TBC1D1: variants seen among roughly 807,000 people sequenced by gnomAD.
TBC1D1 encodes the protein TBC1 (tre-2/USP6, BUB2, cdc16) domain family, member 1.
TBC1D1 carries 89 observed loss-of-function variants against 125.6 expected under a neutral mutation model. That is an observed-to-expected ratio of 0.71 (90% CI 0.60 to 0.85). The LOEUF is 0.85. Ranked by LOEUF, TBC1D1 falls within the 40% of genes least tolerant of loss-of-function variation. The probability of loss-of-function intolerance (pLI) is 0.00; values close to 1 mark genes in which losing one functional copy is unlikely to be tolerated. For synonymous variants in TBC1D1, 565 were observed against 564.1 expected, an observed-to-expected ratio of 1.00 and a Z score of -0.02; for missense variants, 1,377 against 1,469.2, an observed-to-expected ratio of 0.94 and a Z score of 1.03.
chr4:38,021,631 G>A lies in TBC1D1; in HGVS notation c.1123G>A (p.Ala375Thr), dbSNP rs763320509. Reference sequence around the variant, plus strand: ...CCTGAAACAGGCCTTCACGGTGGCCGCAGTGCAGCAGACAGCTAAGGCGCC... The same window carrying A: ...CCTGAAACAGGCCTTCACGGTGGCCACAGTGCAGCAGACAGCTAAGGCGCC... Residue 375 changes from alanine to threonine, a missense_variant, in exon 6 of 20, where the codon GCA becomes ACA. Ala to Thr is a moderately conservative substitution (Grantham distance 58). Transcript: ENST00000261439. 32 of 1,590,138 alleles carry A rather than the reference G, an allele frequency of 2.0e-5. No homozygotes were observed. The highest frequency in any genetic ancestry group is 3.6e-5 in the Admixed American group (2 of 56,126).
intron 8 of TBC1D1, among the ~76,000 whole-genome samples, chr4:38,036,413 A>G (rs1747214169): frequency 6.6e-6 from 1 of 152,208 alleles, no homozygotes; most frequent in Non-Finnish European, 1.5e-5. Context: ...GCTTCAAAAC[A>G]TACACATTTT....
rs751346200 is a variant in TBC1D1 at position 38,115,816 on chromosome 4, A to T, written c.2664A>T (p.Gly888=). ...ACTCACTTCTAGACCAGGAAGTGGG[A>T]TATTGCCAAGGTCTCAGCTTTGTAG... Residue 888 remains glycine, a synonymous_variant, in exon 16 of 20, where the codon GGA becomes GGT. Coordinates refer to ENST00000261439, the MANE Select transcript of TBC1D1 (RefSeq NM_015173.4). 1.2e-6 allele frequency: 2 copies of T among 1,614,206 alleles called. No homozygotes were observed. The highest frequency in any genetic ancestry group is 1.7e-6 in the Non-Finnish European group (2 of 1,180,036).
At chr4:38,067,310 T>C (rs1267144463) in intron 12 of TBC1D1, among the ~76,000 whole-genome samples, 3 of 152,242 alleles carry the variant, frequency 2.0e-5, no homozygotes, top group Non-Finnish European at 4.4e-5. Context: ...GTTGAAGTTA[T>C]TATGGTTTGT....
chr4:38,092,449 G>A (rs973365936), intron 13 of TBC1D1, among the ~76,000 whole-genome samples: 3 of 152,032 alleles, frequency 2.0e-5, no homozygotes, highest in Non-Finnish European at 2.9e-5. Context: ...GATAATTATT[G>A]GCTTGGCACA....
chr4:38,063,257 G>A (rs1018843962), intron 12 of TBC1D1, among the ~76,000 whole-genome samples: 2 of 152,232 alleles, frequency 1.3e-5, no homozygotes, highest in African/African-American at 4.8e-5. Context: ...TGTCCAGGGT[G>A]CAAAATGTAA....
At chr4:38,054,719 A>G (rs1184969149) in intron 12 of TBC1D1, among the ~76,000 whole-genome samples, 2 of 152,218 alleles carry the variant, frequency 1.3e-5, no homozygotes, top group African/African-American at 4.8e-5. Context: ...CAGAGCAGGA[A>G]TGAAAGGACG....
At chr4:37,924,914 A>T (rs899848099) in intron 2 of TBC1D1, among the ~76,000 whole-genome samples, 3 of 152,236 alleles carry the variant, frequency 2.0e-5, no homozygotes, top group Non-Finnish European at 4.4e-5. Flanking sequence ...TGGGTCAACC[A>T]AGCATGTGCT....
chr4:38,006,368 C>T (rs1156435827), intron 2 of TBC1D1, among the ~76,000 whole-genome samples: 2 of 152,062 alleles, frequency 1.3e-5, no homozygotes, highest in Non-Finnish European at 2.9e-5. Context: ...TCCAAATAAC[C>T]TTCCTTTAGG....
At chr4:37,992,493 GTTTTTTT>G (rs1006353203) in intron 2 of TBC1D1, among the ~76,000 whole-genome samples, 2 of 125,528 alleles carry the variant, frequency 1.6e-5, no homozygotes, top group Non-Finnish European at 3.3e-5. Flanking sequence ...GAAGTCTGGT[GTTTTTTT>G]TTTTTTTTTT....
chr4:38,103,154 C>G lies in TBC1D1; in HGVS notation c.2554C>G (p.Leu852Val). 1.2e-6 allele frequency: 2 copies of G among 1,606,868 alleles called. No homozygotes were observed. The highest frequency in any genetic ancestry group is 1.7e-6 in the Non-Finnish European group (2 of 1,177,294). Residue 852 changes from leucine (L) to valine (V), a missense_variant, in exon 15 of 20, where the codon CTT (leucine) becomes GTT (valine). Physicochemically the swap from Leu to Val is conservative, Grantham distance 32. Around this residue, in one of 3 missense-constraint regions of TBC1D1, gnomAD observed 543 missense variants for 613.5 expected, o/e 0.89. Transcript: ENST00000261439. Reference sequence around the variant, plus strand: ...CCAGCAGCATGCGATTCTTATTGACCTTGGTAAGTCTGTGCCATCGATTGG... The same window carrying G: ...CCAGCAGCATGCGATTCTTATTGACGTTGGTAAGTCTGTGCCATCGATTGG...
intron 2 of TBC1D1, among the ~76,000 whole-genome samples, chr4:38,012,245 T>C (rs923884161): frequency 6.6e-6 from 1 of 152,194 alleles, no homozygotes; most frequent in Admixed American, 6.5e-5. Flanking sequence ...GAAAATCTTA[T>C]AAACTCCTTT....
At chr4:37,908,682 C>T (rs1437213445) in intron 2 of TBC1D1, among the ~76,000 whole-genome samples, 1 of 152,066 alleles carries the variant, frequency 6.6e-6, no homozygotes, top group Non-Finnish European at 1.5e-5. Flanking sequence ...TGAAAATGCT[C>T]GCAGCCTTCC....
chr4:37,914,445 A>G (rs1349037927), intron 2 of TBC1D1, among the ~76,000 whole-genome samples: 1 of 152,044 alleles, frequency 6.6e-6, no homozygotes, highest in Non-Finnish European at 1.5e-5. Context: ...CCCTCATCCA[A>G]ATTATTCAAC....
intron 2 of TBC1D1, among the ~76,000 whole-genome samples, chr4:37,958,027 G>A (rs1729245241): frequency 6.6e-6 from 1 of 152,136 alleles, no homozygotes; most frequent in South Asian, 2.1e-4. Context: ...TGCTATTTTT[G>A]TTGATCTCTG....
At chr4:38,077,481 T>C (rs1383829820) in intron 12 of TBC1D1, among the ~76,000 whole-genome samples, 1 of 152,224 alleles carries the variant, frequency 6.6e-6, no homozygotes, top group Non-Finnish European at 1.5e-5. Context: ...GGGTTGAAAC[T>C]CTTATCAGGA....
intron 12 of TBC1D1, among the ~76,000 whole-genome samples, chr4:38,060,268 A>G (rs920920945): frequency 2.0e-5 from 3 of 152,152 alleles, no homozygotes; most frequent in Non-Finnish European, 4.4e-5. Context: ...GTCAAATGGT[A>G]TTTCTAGTTC....
chr4:38,015,255 G>A (rs913162435), intron 3 of TBC1D1, among the ~76,000 whole-genome samples: 7 of 152,062 alleles, frequency 4.6e-5, no homozygotes, highest in African/African-American at 1.7e-4. Context: ...GTGTAAATGA[G>A]ACCAGCAGAG....
chr4:38,130,338 C>A (rs960082638), intron 18 of TBC1D1, among the ~76,000 whole-genome samples: 2 of 152,146 alleles, frequency 1.3e-5, no homozygotes, highest in Admixed American at 1.3e-4. Flanking sequence ...GGTGATTTTT[C>A]TTTTATTTTT....
intron 2 of TBC1D1, among the ~76,000 whole-genome samples, chr4:37,999,154 CA>C (rs1382219686): frequency 6.6e-6 from 1 of 152,126 alleles, no homozygotes; most frequent in African/African-American, 2.4e-5. Context: ...GAGGCTGAAG[CA>C]GGAGAATCGC....
Sources: allele counts gnomAD v4.1 joint callset (sites outside exome capture counted in the v4.1 genomes callset), GRCh38; gene constraint gnomAD v4.1.1; regional missense constraint gnomAD v4.1.1; transcripts MANE v1.5; gene names NCBI Gene and HGNC (gene_info 2026-07-23, HGNC 2026-07-21).